FGF12: variants seen among roughly 807,000 people sequenced by gnomAD.
The protein encoded by FGF12 is fibroblast growth factor 12B.
A neutral mutation model predicts 23.6 loss-of-function variants in FGF12; 14 were observed. That is an observed-to-expected ratio of 0.59 (90% CI 0.39 to 0.93). The LOEUF is 0.93. Among genes scored for constraint, FGF12 ranks in the 40% least tolerant of loss-of-function variants. The pLI, the probability that FGF12 is intolerant of heterozygous loss-of-function variation, is 0.00. For synonymous variants in FGF12, 62 were observed against 77.3 expected, an observed-to-expected ratio of 0.80 and a Z score of 1.04; for missense variants, 175 against 217.8, an observed-to-expected ratio of 0.80 and a Z score of 1.24.
chr3:192,339,113 A>T (rs952468241), intron 3 of FGF12, among the ~76,000 whole-genome samples: 2 of 152,174 alleles, frequency 1.3e-5, no homozygotes, highest in Admixed American at 1.3e-4. Context: ...GCTTTGTGAG[A>T]CTTACTAAGC....
intron 4 of FGF12, among the ~76,000 whole-genome samples, chr3:192,267,558 C>T (rs567104400): frequency 2.6e-5 from 4 of 152,204 alleles, no homozygotes; most frequent in Non-Finnish European, 5.9e-5. Context: ...GTTTTTATAT[C>T]TATCATCAAT....
rs546149603 is a variant in FGF12, at chr3:192,382,075, C to T, written c.14-21537G>A. 1.2e-4 allele frequency among the ~76,000 whole-genome samples: 19 copies of T among 152,176 alleles called. 1 individual carries two copies. The highest frequency in any genetic ancestry group is 3.4e-3 in the Middle Eastern group (1 of 294). On this transcript the variant is annotated intron_variant, in intron 2 of 5. Coordinates refer to ENST00000445105, the MANE Select transcript of FGF12 (RefSeq NM_004113.6). ...GCAGTGCTGCGATCTCAGCCCACTG[C>T]AACCTCCACCTTCCGGGTTCAAGCC...
intron 4 of FGF12, among the ~76,000 whole-genome samples, chr3:192,231,920 G>A (rs772902954): frequency 3.3e-5 from 5 of 152,204 alleles, no homozygotes; most frequent in Non-Finnish European, 7.3e-5. Context: ...ATCAAAGTCA[G>A]TGCTGCCTGC....
chr3:192,195,406 A>C (rs1374549483), intron 4 of FGF12, among the ~76,000 whole-genome samples: 1 of 152,236 alleles, frequency 6.6e-6, no homozygotes, highest in Non-Finnish European at 1.5e-5. Context: ...GCACATGTGC[A>C]AATGGTGGTC....
chr3:192,268,861 G>T (rs1713245581), intron 4 of FGF12: 1 of 160,100 alleles, frequency 6.2e-6, no homozygotes, highest in African/African-American at 2.4e-5. Context: ...TTTGAACTTT[G>T]TATGCAAATG....
chr3:192,262,080 T>C (rs1369562447), intron 4 of FGF12, among the ~76,000 whole-genome samples: 2 of 152,160 alleles, frequency 1.3e-5, no homozygotes, highest in Non-Finnish European at 2.9e-5. Flanking sequence ...TCTTAAACAG[T>C]GTTGTTAAAA....
At chr3:192,614,583 T>C (rs374091829) in intron 2 of FGF12, among the ~76,000 whole-genome samples, 124 of 152,168 alleles carry the variant, frequency 8.1e-4, no homozygotes, top group African/African-American at 2.8e-3. Context: ...TAGTGTGTTT[T>C]CTTTGTATTG....
chr3:192,297,413 A>G (rs1345925044), intron 4 of FGF12, among the ~76,000 whole-genome samples: 3 of 151,684 alleles, frequency 2.0e-5, no homozygotes, highest in Non-Finnish European at 4.4e-5. Context: ...TTGGCATGAC[A>G]GAGTATGCAA....
At chr3:192,393,770 T>C (rs771502915) in intron 2 of FGF12, among the ~76,000 whole-genome samples, 4 of 152,170 alleles carry the variant, frequency 2.6e-5, no homozygotes, top group Non-Finnish European at 5.9e-5. Context: ...TCTACTATTA[T>C]CACTAATGAG....
chr3:192,345,771 T>C (rs1717931550), intron 3 of FGF12, among the ~76,000 whole-genome samples: 2 of 151,820 alleles, frequency 1.3e-5, no homozygotes, highest in Non-Finnish European at 2.9e-5. Flanking sequence ...AAACAGACTA[T>C]AATAAGAAAA....
chr3:192,411,824 T>C (rs1241851363), intron 2 of FGF12, among the ~76,000 whole-genome samples: 1 of 152,192 alleles, frequency 6.6e-6, no homozygotes, highest in East Asian at 1.9e-4. Context: ...GAGGAAATTA[T>C]TGCTAAATTT....
intron 4 of FGF12, among the ~76,000 whole-genome samples, chr3:192,274,522 G>A (rs1309747799): frequency 6.6e-6 from 1 of 152,098 alleles, no homozygotes; most frequent in Non-Finnish European, 1.5e-5. Context: ...ACTATTTGGT[G>A]TAAACCAGGG....
intron 2 of FGF12, among the ~76,000 whole-genome samples, chr3:192,710,995 A>G (rs1718647527): frequency 1.3e-5 from 2 of 152,196 alleles, no homozygotes; most frequent in African/African-American, 4.8e-5. Flanking sequence ...AAAGCCCACC[A>G]ACATCACTCT....
chr3:192,173,979 C>T (rs1279948005), intron 4 of FGF12, among the ~76,000 whole-genome samples: 1 of 152,182 alleles, frequency 6.6e-6, no homozygotes, highest in Non-Finnish European at 1.5e-5. Flanking sequence ...AGGAAGCTAG[C>T]GGCAGATCCA....
Position 192,700,582 on chromosome 3 carries a change from T to C in FGF12, c.13+26599A>G, listed in dbSNP as rs148367836. On this transcript the variant is annotated intron_variant, in intron 2 of 5. Transcript: ENST00000445105. ...GAGCAGATACATTATTAAAGGCATT[T>C]GAGGCCACAAAAGAGTCAAACTTCC... 4.8e-3 allele frequency among the ~76,000 whole-genome samples: 735 copies of C among 152,316 alleles called. 8 individuals are homozygous for C. The highest frequency in any genetic ancestry group is 0.017 in the African/African-American group (695 of 41,578).
intron 4 of FGF12, among the ~76,000 whole-genome samples, chr3:192,324,125 T>A (rs1259422990): frequency 6.6e-6 from 1 of 151,706 alleles, no homozygotes; most frequent in African/African-American, 2.4e-5. Context: ...AAATAAAATA[T>A]CATATGTACC....
intron 2 of FGF12, among the ~76,000 whole-genome samples, chr3:192,508,152 C>T (rs993473868): frequency 6.6e-6 from 1 of 152,164 alleles, no homozygotes; most frequent in Non-Finnish European, 1.5e-5. Context: ...AACTGCAATG[C>T]TATCGTTTCT....
In FGF12 at chr3:192,635,781, G is replaced by T. The variant is rs997166020; in HGVS notation, c.13+91400C>A. ...CCTTTTAGTATATGTTAGTGCTATAGAGGTGGTTTCTCTTCTGAAGTTCTA... is the reference window on the plus strand; with the variant it reads ...CCTTTTAGTATATGTTAGTGCTATATAGGTGGTTTCTCTTCTGAAGTTCTA... On this transcript the variant is annotated intron_variant, in intron 2 of 5. Coordinates refer to ENST00000445105, the MANE Select transcript of FGF12 (RefSeq NM_004113.6). Among the ~76,000 whole-genome samples, 15 of 152,262 alleles carry T rather than the reference G, an allele frequency of 9.9e-5. No individual in the cohort carries two copies. The South Asian group carries it at 2.3e-3, about 23-fold the overall frequency.
At chr3:192,291,907 G>C (rs1168544603) in intron 4 of FGF12, among the ~76,000 whole-genome samples, 1 of 152,124 alleles carries the variant, frequency 6.6e-6, no homozygotes, top group African/African-American at 2.4e-5. Context: ...CCTCATAAAA[G>C]CAAAGTGTGC....
Sources: gnomAD v4.1 joint callset for allele counts (sites outside exome capture counted in the v4.1 genomes callset) on GRCh38, gnomAD v4.1.1 for gene constraint, MANE v1.5 for transcripts, NCBI Gene and HGNC (gene_info 2026-07-23, HGNC 2026-07-21) for gene names.